The following TUBB8 variants were observed in gnomAD, a reference collection of about 807,000 sequenced individuals.
TUBB8 encodes tubulin beta-8 chain.
Under a neutral mutation model 33.7 loss-of-function variants are expected in TUBB8, and 25 were observed. That is an observed-to-expected ratio of 0.74 (90% CI 0.54 to 1.04). The LOEUF is 1.04. TUBB8 is among the 50% of genes least tolerant of loss of function. TUBB8 has a pLI of 0.00. For missense variants in TUBB8, 279 were observed against 608.0 expected (o/e 0.46, Z 5.69); for synonymous variants, 245 against 240.1 (o/e 1.02, Z -0.19).
upstream of TUBB8, among the ~76,000 whole-genome samples, chr10:75,720 TTTC>T (rs1421672784): frequency 6.6e-5 from 10 of 152,026 alleles, no homozygotes; most frequent in Non-Finnish European, 1.5e-4. Context: ...TTTTCTTTAT[TTTC>T]TTTTTACTCT....
At chr10:49,021 C>G (rs1834422148) in intron 1 of TUBB8, 109 bp from the exon 2 acceptor site, 1 of 1,182,182 alleles carries the variant, frequency 8.5e-7, no homozygotes. Flanking sequence ...GCCGCCCTGT[C>G]CCTGGGGTCC....
rs569744321 is a variant in TUBB8 at position 59,518 on chromosome 10, T to C, written c.-845-9285A>G. Among the ~76,000 whole-genome samples, 36 of 152,352 alleles carry C rather than the reference T, an allele frequency of 2.4e-4. No homozygotes were observed. In the South Asian group the frequency reaches 6.4e-3, roughly 27 times the overall value. ...CATTCTGTTTATATGATATATCACA[T>C]TGACTGATTTGCATGTTGAACCATC... On this transcript the variant is annotated intron_variant, in intron 1 of 3. Coordinates refer to the TUBB8 transcript ENST00000564130.
At chr10:48,191 C>A (rs1450468763) in intron 3 of TUBB8, 77 bp from the exon 4 acceptor site, 40 of 1,010,302 alleles carry the variant, frequency 4.0e-5, no homozygotes, top group Non-Finnish European at 5.5e-5. Flanking sequence ...GCAGAAAGAG[C>A]CAAGCGTCAC....
intron 1 of TUBB8, among the ~76,000 whole-genome samples, chr10:58,966 A>G (rs1834565654): frequency 6.6e-6 from 1 of 152,172 alleles, no homozygotes; most frequent in Non-Finnish European, 1.5e-5. Context: ...ATTATGTTGA[A>G]TAACAGTGGT....
upstream of TUBB8, among the ~76,000 whole-genome samples, chr10:53,262 G>A (rs1421496257): frequency 3.3e-5 from 5 of 152,124 alleles, no homozygotes; most frequent in African/African-American, 1.2e-4. Context: ...CAAGTAGCTG[G>A]GATTACAGGC....
At position 47,321 on chromosome 10, in the gene TUBB8, T is replaced by C. The variant is rs1163824918; in HGVS notation, c.1071A>G (p.Pro357=). The change falls in exon 4 of 4, where the codon CCA becomes CCG. Residue 357 remains proline (P), a synonymous_variant. Transcript: ENST00000568584. ...NNVKTAVCDI[P]PRGLKMSATF... The stretch of plus-strand genomic sequence containing the variant: ...TGGCTGACATTTTTAGCCCCCGGGG[T>C]GGGATGTCACAGACGGCTGTTTTTA... 1 of 1,613,320 alleles carries C rather than the reference T, an allele frequency of 6.2e-7. No individual in the cohort carries two copies. Among genetic ancestry groups the C allele is most frequent in the Non-Finnish European group, 8.5e-7 (1 of 1,179,972 alleles).
intron 1 of TUBB8, among the ~76,000 whole-genome samples, chr10:69,749 T>C (rs1834713272): frequency 6.6e-6 from 1 of 152,094 alleles, no homozygotes; most frequent in Admixed American, 6.5e-5. Context: ...ATACAAAAAT[T>C]AGCTGAGCAC....
upstream of TUBB8, among the ~76,000 whole-genome samples, chr10:76,257 C>G (rs1195727031): frequency 6.6e-6 from 1 of 152,066 alleles, no homozygotes; most frequent in Non-Finnish European, 1.5e-5. Context: ...GGCCTCTCCA[C>G]GTTCCTCCTC....
chr10:56,793 CT>C (rs1834537326), intron 1 of TUBB8, among the ~76,000 whole-genome samples: 1 of 152,162 alleles, frequency 6.6e-6, no homozygotes, highest in Admixed American at 6.5e-5. Context: ...CATTTTGCCC[CT>C]GGCCATTCCA....
At chr10:52,292 T>G (rs539299458), upstream of TUBB8, among the ~76,000 whole-genome samples, 24 of 152,332 alleles carry the variant, frequency 1.6e-4, 1 homozygote, top group East Asian at 4.6e-3. Context: ...TCTATGTGGA[T>G]TGTTTTCCTT....
intron 1 of TUBB8, among the ~76,000 whole-genome samples, chr10:62,182 C>T (rs1450556883): frequency 3.9e-5 from 6 of 152,148 alleles, no homozygotes; most frequent in Admixed American, 6.5e-5. Context: ...TTCTTTCTTC[C>T]TGTCTTCCTT....
At chr10:61,023 CAATG>C (rs1324869403) in intron 1 of TUBB8, among the ~76,000 whole-genome samples, 27 of 137,702 alleles carry the variant, frequency 2.0e-4, no homozygotes, top group Non-Finnish European at 2.6e-4. Context: ...GGGAATTGAA[CAATG>C]AGATCACATG....
chr10:56,648 C>A (rs1223746170), intron 1 of TUBB8, among the ~76,000 whole-genome samples: 1 of 152,212 alleles, frequency 6.6e-6, no homozygotes, highest in Non-Finnish European at 1.5e-5. Flanking sequence ...AGAATGGCTC[C>A]AAAGGAAATG....
chr10:57,731 G>A (rs1173811608), intron 1 of TUBB8, among the ~76,000 whole-genome samples: 1 of 152,188 alleles, frequency 6.6e-6, no homozygotes, highest in Admixed American at 6.5e-5. Flanking sequence ...TTAGGCCTCA[G>A]GGTCTGTGAT....
At chr10:49,045 C>A in intron 1 of TUBB8, 133 bp from the exon 2 acceptor site, 1 of 1,290,742 alleles carries the variant, frequency 7.7e-7, no homozygotes, top group Non-Finnish European at 1.1e-6. Flanking sequence ...CCGGCCGCCT[C>A]GCCAGCCACC....
intron 3 of TUBB8, 130 bp downstream of exon 3, chr10:48,485 T>C (rs1249236528): frequency 4.5e-6 from 4 of 890,554 alleles, no homozygotes; most frequent in African/African-American, 1.6e-5. Context: ...ATTGAGCGAC[T>C]CGACTCGGAG....
At chr10:64,975 T>TAAAA (rs61340461) in intron 1 of TUBB8, among the ~76,000 whole-genome samples, 1 of 118,564 alleles carries the variant, frequency 8.4e-6, no homozygotes. Flanking sequence ...CCATCTCCAC[T>TAAAA]AAAAAAAAAA....
At chr10:51,892 G>T (rs1424189635), upstream of TUBB8, among the ~76,000 whole-genome samples, 6 of 152,144 alleles carry the variant, frequency 3.9e-5, no homozygotes, top group Non-Finnish European at 7.4e-5. Flanking sequence ...TCAGAGGATC[G>T]CTAAGGAAAG....
chr10:58,829 A>C (rs1265171377), intron 1 of TUBB8, among the ~76,000 whole-genome samples: 1 of 152,228 alleles, frequency 6.6e-6, no homozygotes, highest in Admixed American at 6.5e-5. Context: ...CTATCAGAGG[A>C]GTCTTTATGT....
Sources: gnomAD v4.1 joint callset for allele counts (sites outside exome capture counted in the v4.1 genomes callset) on GRCh38, gnomAD v4.1.1 for gene constraint, MANE v1.5 for transcripts, NCBI Gene and HGNC (gene_info 2026-07-23, HGNC 2026-07-21) for gene names.